HERC4: variants seen among roughly 807,000 people sequenced by gnomAD.
HERC4 encodes probable E3 ubiquitin-protein ligase HERC4.
A neutral mutation model predicts 124.3 loss-of-function variants in HERC4; 28 were observed. That is an observed-to-expected ratio of 0.23 (90% CI 0.17 to 0.31). HERC4 has a LOEUF of 0.31. Among genes scored for constraint, HERC4 ranks in the 10% least tolerant of loss-of-function variants. HERC4 has a pLI of 1.00. For synonymous variants in HERC4, 407 were observed against 421.5 expected, an observed-to-expected ratio of 0.97 and a Z score of 0.42; for missense variants, 713 against 1,229.3, an observed-to-expected ratio of 0.58 and a Z score of 6.28.
intron 9 of HERC4, among the ~76,000 whole-genome samples, chr10:68,010,004 G>A (rs1034181346): frequency 6.6e-6 from 1 of 152,088 alleles, no homozygotes; most frequent in African/African-American, 2.4e-5. Flanking sequence ...ATGATATGGG[G>A]ATTAAAATCA....
rs2037855135 is a variant in HERC4, at chr10:68,010,188, T to C, written c.1069+3838A>G. On this transcript the variant is annotated intron_variant, in intron 9 of 24. Coordinates refer to ENST00000373700, the MANE Select transcript of HERC4 (RefSeq NM_015601.4). The stretch of plus-strand genomic sequence containing the variant: ...CCGCCCTCTCCCTGTATCCCATTCC[T>C]AGAAGGGCAGGCACCTCAGTTTGAA... 4.7e-6 allele frequency: 5 copies of C among 1,058,206 alleles called. No individual in the cohort carries two copies. In the South Asian group the frequency reaches 6.6e-5, roughly 14 times the overall value. 65.6% of individuals were successfully genotyped at this position (1,058,206 alleles called of 1,614,324 possible).
chr10:67,965,199 A>G (rs1467087422), intron 16 of HERC4: 1 of 152,132 alleles, frequency 6.6e-6, no homozygotes, highest in Non-Finnish European at 1.5e-5. Flanking sequence ...TGTCATTCAG[A>G]TTAGTACTCA....
At chr10:67,949,023 G>A (rs1319993717) in intron 19 of HERC4, among the ~76,000 whole-genome samples, 1 of 152,086 alleles carries the variant, frequency 6.6e-6, no homozygotes, top group African/African-American at 2.4e-5. Flanking sequence ...GGAGGCCGAG[G>A]AGGATGGATC....
Position 67,966,762 on chromosome 10 carries a change from A to C in HERC4, c.1847T>G (p.Phe616Cys). Residue 616 changes from phenylalanine to cysteine, a missense_variant, in exon 16 of 25, where the codon TTT (phenylalanine) becomes TGT (cysteine). Coordinates refer to ENST00000373700, the MANE Select transcript of HERC4 (RefSeq NM_015601.4). ...CAATTCTTGTACTTCATGTATATAA[A>C]ATTTATCATACTGTATAATCTGTCC... ...KMGQIIQYDK[F>C]YIHEVQELID... 6.3e-7 allele frequency: 1 copy of C among 1,585,086 alleles called. No homozygotes were observed. The highest frequency in any genetic ancestry group is 8.6e-7 in the Non-Finnish European group (1 of 1,159,814).
intron 15 of HERC4, among the ~76,000 whole-genome samples, chr10:67,968,377 CT>C (rs879488845): frequency 2.2e-3 from 312 of 143,954 alleles, no homozygotes; most frequent in Non-Finnish European, 2.3e-3. Flanking sequence ...GAGGCTACTC[CT>C]TTTTTTTTTT....
At chr10:68,013,294 T>C (rs921400177) in intron 9 of HERC4, among the ~76,000 whole-genome samples, 6 of 152,240 alleles carry the variant, frequency 3.9e-5, no homozygotes, top group Non-Finnish European at 5.9e-5. Flanking sequence ...ATTTTGTGAT[T>C]TGCTTTATTA....
Position 68,072,950 on chromosome 10 carries a change from T to A in HERC4, c.159A>T (p.Gly53=). The part of the protein sequence containing the change: ...LRHTVFVLDD[G]TVYTCGCNDL... The stretch of plus-strand genomic sequence containing the variant: ...CATTACATCCACATGTGTACACTGT[T>A]CCATCATCCAGAACAAACACAGTAT... Residue 53 remains glycine (G), a synonymous_variant, in exon 3 of 25, where the codon GGA becomes GGT. Transcript: ENST00000373700. 6.2e-7 allele frequency: 1 copy of A among 1,614,072 alleles called. No individual in the cohort carries two copies. Among genetic ancestry groups the A allele is most frequent in the Non-Finnish European group, 8.5e-7 (1 of 1,179,942 alleles).
At chr10:67,971,362 A>G (rs2035222943) in intron 15 of HERC4, among the ~76,000 whole-genome samples, 2 of 152,106 alleles carry the variant, frequency 1.3e-5, no homozygotes, top group South Asian at 4.1e-4. Flanking sequence ...AATATCCCTC[A>G]TGAACACAGA....
intron 8 of HERC4, among the ~76,000 whole-genome samples, chr10:68,015,901 G>A (rs778870865): frequency 6.6e-5 from 10 of 152,018 alleles, no homozygotes; most frequent in Non-Finnish European, 1.3e-4. Flanking sequence ...TCAGGAGTTC[G>A]AGACCAGCAT....
At chr10:67,938,025 AATT>A (rs2032521606) in intron 21 of HERC4, among the ~76,000 whole-genome samples, 1 of 152,052 alleles carries the variant, frequency 6.6e-6, no homozygotes, top group South Asian at 2.1e-4. Context: ...ATGAACATGC[AATT>A]TTTTTTGGCA....
intron 22 of HERC4, among the ~76,000 whole-genome samples, chr10:67,934,298 TTC>T (rs1275388268): frequency 1.3e-5 from 2 of 152,358 alleles, no homozygotes; most frequent in African/African-American, 4.8e-5. Context: ...TAAAAAGAAC[TTC>T]TGTTTTCTTT....
At chr10:67,933,485 G>A (rs550584560) in intron 22 of HERC4, among the ~76,000 whole-genome samples, 2 of 152,066 alleles carry the variant, frequency 1.3e-5, no homozygotes, top group Non-Finnish European at 2.9e-5. Context: ...AACATTTTAT[G>A]ATGCTATCTG....
At chr10:67,983,116 A>C (rs2036038053) in intron 15 of HERC4, among the ~76,000 whole-genome samples, 1 of 151,968 alleles carries the variant, frequency 6.6e-6, no homozygotes, top group South Asian at 2.1e-4. Flanking sequence ...CGGGCATATG[A>C]AAAGGCGCTC....
At chr10:68,066,621 C>T (rs530648754) in intron 3 of HERC4, among the ~76,000 whole-genome samples, 3 of 152,242 alleles carry the variant, frequency 2.0e-5, no homozygotes, top group East Asian at 3.9e-4. Flanking sequence ...ATCTACATGG[C>T]GGACTTTATA....
intron 19 of HERC4, among the ~76,000 whole-genome samples, chr10:67,943,903 T>C (rs1314040728): frequency 6.6e-6 from 1 of 152,256 alleles, no homozygotes; most frequent in Non-Finnish European, 1.5e-5. Flanking sequence ...TTTTGCCTTG[T>C]GGCTTGGATG....
intron 3 of HERC4, among the ~76,000 whole-genome samples, chr10:68,066,749 T>C (rs1163769324): frequency 6.6e-6 from 1 of 152,156 alleles, no homozygotes; most frequent in African/African-American, 2.4e-5. Flanking sequence ...ATACAATATA[T>C]AACAGAAAAG....
intron 22 of HERC4, among the ~76,000 whole-genome samples, chr10:67,935,909 GCT>G (rs1184418717): frequency 1.3e-5 from 2 of 152,114 alleles, no homozygotes; most frequent in Non-Finnish European, 2.9e-5. Flanking sequence ...TCTCTGGTTT[GCT>G]TAAGTTAGTT....
chr10:68,004,645 G>A (rs2037432127), intron 9 of HERC4, among the ~76,000 whole-genome samples: 1 of 152,210 alleles, frequency 6.6e-6, no homozygotes, highest in Admixed American at 6.5e-5. Context: ...ATAAAGGAAA[G>A]AGGTTTAACT....
chr10:67,939,303 G>A (rs1189907002), intron 21 of HERC4, among the ~76,000 whole-genome samples: 1 of 152,150 alleles, frequency 6.6e-6, no homozygotes, highest in African/African-American at 2.4e-5. Context: ...AAAGTACACA[G>A]GTTTAAGTCA....
Sources: gnomAD v4.1 joint callset for allele counts (sites outside exome capture counted in the v4.1 genomes callset) on GRCh38, gnomAD v4.1.1 for gene constraint, MANE v1.5 for transcripts, NCBI Gene and HGNC (gene_info 2026-07-23, HGNC 2026-07-21) for gene names.